Variants in TENM3 observed in about 807,000 individuals in gnomAD.
TENM3 encodes teneurin-3.
Under a neutral mutation model 255.1 loss-of-function variants are expected in TENM3, and 63 were observed. The ratio of observed to expected loss-of-function variants is 0.25; its 90% confidence interval spans 0.20 to 0.30. TENM3 has a LOEUF of 0.30. Among genes scored for constraint, TENM3 ranks in the 10% least tolerant of loss-of-function variants. The probability of loss-of-function intolerance (pLI) is 1.00; values close to 1 mark genes in which losing one functional copy is unlikely to be tolerated. For missense variants in TENM3, 2,929 were observed against 3,461.1 expected, an observed-to-expected ratio of 0.85 and a Z score of 3.86; for synonymous variants, 1,306 against 1,322.3, an observed-to-expected ratio of 0.99 and a Z score of 0.27.
chr4:182,459,595 A>T lies in TENM3; in HGVS notation c.511+112666A>T, dbSNP rs961994663. Among the ~76,000 whole-genome samples, 17 of 152,296 alleles carry T rather than the reference A, an allele frequency of 1.1e-4. 1 individual carries two copies. Among genetic ancestry groups the T allele is most frequent in the South Asian group, 4.1e-4 (2 of 4,822 alleles). On this transcript the variant is annotated intron_variant, in intron 3 of 27. Coordinates refer to ENST00000511685, the MANE Select transcript of TENM3 (RefSeq NM_001080477.4). Reference sequence around the variant, plus strand: ...TTTGATTTCTTTAAAGTATATTTAAATTTCATGCATATTACATTTCATACA... The same window carrying T: ...TTTGATTTCTTTAAAGTATATTTAATTTTCATGCATATTACATTTCATACA...
the TENM3 span, among the ~76,000 whole-genome samples, chr4:182,021,203 C>T: frequency 6.6e-6 from 1 of 152,132 alleles, no homozygotes; most frequent in Admixed American, 6.5e-5. Context: ...AGAATAATAG[C>T]CTCCAGGGGC....
the TENM3 span, among the ~76,000 whole-genome samples, chr4:181,461,029 T>C: frequency 2.4e-4 from 36 of 152,214 alleles, no homozygotes; most frequent in Admixed American, 8.5e-4. Context: ...ATAAGCATCT[T>C]TTAATAGCTT....
chr4:181,963,512 T>C, the TENM3 span, among the ~76,000 whole-genome samples: 2 of 152,176 alleles, frequency 1.3e-5, no homozygotes, highest in African/African-American at 4.8e-5. Flanking sequence ...AGAAGGGATA[T>C]AGATACTGCA....
the TENM3 span, among the ~76,000 whole-genome samples, chr4:181,595,636 T>C: frequency 2.0e-5 from 3 of 152,012 alleles, no homozygotes; most frequent in Non-Finnish European, 4.4e-5. Context: ...ATATGTGCAT[T>C]ATAGTCTAAA....
the TENM3 span, among the ~76,000 whole-genome samples, chr4:181,711,677 C>G: frequency 5.9e-5 from 9 of 152,166 alleles, no homozygotes; most frequent in Non-Finnish European, 8.8e-5. Context: ...TCCATTCTTG[C>G]TCTCATTAAG....
chr4:182,543,346 T>C (rs1162744676), intron 3 of TENM3, among the ~76,000 whole-genome samples: 4 of 152,112 alleles, frequency 2.6e-5, no homozygotes, highest in Non-Finnish European at 5.9e-5. Flanking sequence ...AGAAGAAAGG[T>C]TCTATGTCAG....
chr4:182,061,967 A>C, the TENM3 span, among the ~76,000 whole-genome samples: 1 of 152,208 alleles, frequency 6.6e-6, no homozygotes, highest in African/African-American at 2.4e-5. Flanking sequence ...AAACAAATTA[A>C]AAAATTAGAA....
At chr4:181,785,843 C>CAAAA in the TENM3 span, among the ~76,000 whole-genome samples, 11 of 150,484 alleles carry the variant, frequency 7.3e-5, no homozygotes, top group African/African-American at 2.7e-4. Flanking sequence ...CACACAAACA[C>CAAAA]ACACACTTTT....
chr4:181,798,987 C>A, the TENM3 span, among the ~76,000 whole-genome samples: 4 of 152,314 alleles, frequency 2.6e-5, no homozygotes, highest in South Asian at 8.3e-4. Flanking sequence ...TGACTTTTAA[C>A]AAGGGTAACC....
At chr4:182,617,774 A>G (rs1008064121) in intron 4 of TENM3, among the ~76,000 whole-genome samples, 1 of 152,200 alleles carries the variant, frequency 6.6e-6, no homozygotes, top group African/African-American at 2.4e-5. Flanking sequence ...GCAGGACATC[A>G]AGGGATTTTA....
At chr4:181,792,107 T>A in the TENM3 span, among the ~76,000 whole-genome samples, 1 of 152,220 alleles carries the variant, frequency 6.6e-6, no homozygotes, top group African/African-American at 2.4e-5. Context: ...AAGTCTTCCT[T>A]TCAAAATAAT....
the TENM3 span, among the ~76,000 whole-genome samples, chr4:181,775,472 T>C: frequency 1.1e-4 from 16 of 152,082 alleles, no homozygotes; most frequent in Non-Finnish European, 1.9e-4. Flanking sequence ...CTGGTTGATA[T>C]CTTTTTGGAT....
chr4:182,007,015 A>G, the TENM3 span, among the ~76,000 whole-genome samples: 3 of 152,144 alleles, frequency 2.0e-5, no homozygotes, highest in Admixed American at 2.0e-4. Context: ...CAGGTTGTTC[A>G]ATTTCCATGA....
At chr4:181,591,725 C>T in the TENM3 span, among the ~76,000 whole-genome samples, 1 of 152,140 alleles carries the variant, frequency 6.6e-6, no homozygotes, top group Non-Finnish European at 1.5e-5. Flanking sequence ...GCAAGGGATC[C>T]AGGTTGCACA....
At position 182,196,394 on chromosome 4, in the gene TENM3, A is replaced by G. The variant is rs571078906; in HGVS notation, c.-76+51640A>G. 9.2e-5 allele frequency among the ~76,000 whole-genome samples: 14 copies of G among 152,276 alleles called. No individual in the cohort carries two copies. In the South Asian group the frequency reaches 1.5e-3, roughly 16 times the overall value. Reference sequence around the variant, plus strand: ...CCAGAAAGTCAGTGTGGGATTACCAATTCAGAAGGTTGGTAATTCACCATA... The same window carrying G: ...CCAGAAAGTCAGTGTGGGATTACCAGTTCAGAAGGTTGGTAATTCACCATA... On this transcript the variant is annotated intron_variant, in intron 1 of 2. Coordinates refer to the TENM3 transcript ENST00000512480.
At chr4:181,994,084 T>C in the TENM3 span, among the ~76,000 whole-genome samples, 1 of 152,198 alleles carries the variant, frequency 6.6e-6, no homozygotes, top group Non-Finnish European at 1.5e-5. Context: ...GTTCACTATA[T>C]TTGTGAAACT....
At chr4:182,069,685 A>G in the TENM3 span, among the ~76,000 whole-genome samples, 1 of 53,000 alleles carries the variant, frequency 1.9e-5, no homozygotes, top group African/African-American at 5.0e-5. Context: ...ATAGATGCAT[A>G]AACACACACA....
the TENM3 span, among the ~76,000 whole-genome samples, chr4:181,573,269 G>A: frequency 6.6e-6 from 1 of 152,212 alleles, no homozygotes; most frequent in East Asian, 1.9e-4. Context: ...CACTGGGATT[G>A]CTGGATCATA....
At chr4:181,603,803 G>A in the TENM3 span, among the ~76,000 whole-genome samples, 2 of 151,972 alleles carry the variant, frequency 1.3e-5, no homozygotes, top group Admixed American at 6.5e-5. Context: ...AGCTTCAGAA[G>A]AGAATCTGCC....
Sources: allele counts gnomAD v4.1 joint callset (sites outside exome capture counted in the v4.1 genomes callset), GRCh38; gene constraint gnomAD v4.1.1; transcripts MANE v1.5; gene names NCBI Gene and HGNC (gene_info 2026-07-23, HGNC 2026-07-21).